MORC2: variants seen among roughly 807,000 people sequenced by gnomAD.
MORC2 encodes the protein ATPase MORC2.
Under a neutral mutation model 136.0 loss-of-function variants are expected in MORC2, and 30 were observed. The observed-to-expected ratio is 0.22, with a 90% CI of 0.17 to 0.30. The LOEUF (loss-of-function observed/expected upper bound fraction) is 0.30. Among genes scored for constraint, MORC2 ranks in the 10% least tolerant of loss-of-function variants. The pLI, the probability that MORC2 is intolerant of heterozygous loss-of-function variation, is 1.00. For synonymous variants in MORC2, 439 were observed against 487.0 expected, an observed-to-expected ratio of 0.90 and a Z score of 1.30; for missense variants, 922 against 1,333.1, an observed-to-expected ratio of 0.69 and a Z score of 4.80.
Position 30,947,434 on chromosome 22 carries a change from G to A in MORC2, c.318-985C>T, listed in dbSNP as rs1468244020. On this transcript the variant is annotated intron_variant, in intron 5 of 25. Coordinates refer to ENST00000397641, the MANE Select transcript of MORC2 (RefSeq NM_001303256.3). Reference sequence around the variant, plus strand: ...CTCCTTTCTTCCAGCAGCTTCTGGAGCTTTATGGCTATTATCTCATTAGTC... The same window carrying A: ...CTCCTTTCTTCCAGCAGCTTCTGGAACTTTATGGCTATTATCTCATTAGTC... Among the ~76,000 whole-genome samples, 4 of 152,230 alleles carry A rather than the reference G, an allele frequency of 2.6e-5. No individual in the cohort carries two copies. The East Asian group carries it at 5.8e-4, about 22-fold the overall frequency.
rs115290434 is a variant in MORC2 at position 30,937,760 on chromosome 22, T to C, written c.1370-49A>G. 1,294 of 1,613,890 alleles carry C rather than the reference T, an allele frequency of 8.0e-4. 7 individuals are homozygous for C. The African/African-American group carries it at 0.014, about 18-fold the overall frequency. On this transcript the variant is annotated intron_variant, in intron 14 of 25. Transcript: ENST00000397641. The surrounding 1 kb of genome is among the most constrained non-coding windows in gnomAD (Gnocchi z 4.7). ...CATGTTAGGAGCCAGCCTCTCTCTCTCCCTACATTCAGGTGAAGAGAAAAG... is the reference window on the plus strand; with the variant it reads ...CATGTTAGGAGCCAGCCTCTCTCTCCCCCTACATTCAGGTGAAGAGAAAAG...
Position 30,928,000 on chromosome 22 carries a change from G to A in MORC2, c.3030+19C>T. On this transcript the variant is annotated intron_variant, in intron 25 of 25. Coordinates refer to ENST00000397641, the MANE Select transcript of MORC2 (RefSeq NM_001303256.3). Reference sequence around the variant, plus strand: ...GAGACCAGGTGGTCCAGCTGCAACAGGAAGGCTGCCGGGCTCACCTCCTGC... The same window carrying A: ...GAGACCAGGTGGTCCAGCTGCAACAAGAAGGCTGCCGGGCTCACCTCCTGC... 1 of 1,612,218 alleles carries A rather than the reference G, an allele frequency of 6.2e-7. No homozygotes were observed. The highest frequency in any genetic ancestry group is 8.5e-7 in the Non-Finnish European group (1 of 1,179,876).
rs1569195312 is a variant in MORC2, at chr22:30,942,134, A to C, written c.564T>G (p.Phe188Leu). 1.2e-6 allele frequency: 2 copies of C among 1,613,934 alleles called. No homozygotes were observed. The highest frequency in any genetic ancestry group is 1.7e-6 in the Non-Finnish European group (2 of 1,179,848). ...FRTEEEVMTQ[F>L]MKIPGDSGTL... ...TACCGCTGTCCCCAGGAATCTTCAT[A>C]AACTGGGTCATCACTTCCTCCTCAG... Residue 188 changes from phenylalanine to leucine, a missense_variant, in exon 7 of 26, where the codon TTT becomes TTG. Transcript: ENST00000397641.
At chr22:30,935,725 G>C (rs2040642853) in intron 17 of MORC2, among the ~76,000 whole-genome samples, 1 of 152,140 alleles carries the variant, frequency 6.6e-6, no homozygotes, top group South Asian at 2.1e-4. Flanking sequence ...AAGCCAAAAA[G>C]GGAAATGGTT....
rs780733721 is a variant in MORC2, at chr22:30,941,873, C to G, written c.698+18G>C. 6.3e-7 allele frequency: 1 copy of G among 1,585,794 alleles called. No homozygotes were observed. Among genetic ancestry groups the G allele is most frequent in the South Asian group, 1.1e-5 (1 of 90,496 alleles). The stretch of plus-strand genomic sequence containing the variant: ...AACGCCAGTTCCAGGGCCTCCCTCC[C>G]TTCCCAGCCACACTCACGTGCCCTC... On this transcript the variant is annotated intron_variant, in intron 8 of 25. Coordinates refer to ENST00000397641, the MANE Select transcript of MORC2 (RefSeq NM_001303256.3). This position sits in a 1 kb window ranked among gnomAD's most constrained non-coding sequence, Gnocchi z 4.6.
chr22:30,941,407 G>A lies in MORC2; in HGVS notation c.824+26C>T. The A allele has an allele frequency of 6.2e-7, 1 of 1,611,198 alleles. No individual in the cohort carries two copies. Among genetic ancestry groups the A allele is most frequent in the Non-Finnish European group, 8.5e-7 (1 of 1,178,358 alleles). The stretch of plus-strand genomic sequence containing the variant: ...CCACATCCTCGACCCATGGGAGACA[G>A]CAGGCCAAGGGGCACTGGCCCCTAC... On this transcript the variant is annotated intron_variant, in intron 9 of 25. Coordinates refer to ENST00000397641, the MANE Select transcript of MORC2 (RefSeq NM_001303256.3). This position sits in a 1 kb window ranked among gnomAD's most constrained non-coding sequence, Gnocchi z 4.6.
chr22:30,926,728 T>G lies in MORC2; in HGVS notation c.*75A>C. 7.8e-7 allele frequency: 1 copy of G among 1,275,712 alleles called. No individual in the cohort carries two copies. Among genetic ancestry groups the G allele is most frequent in the Non-Finnish European group, 1.1e-6 (1 of 894,172 alleles). 79.0% of individuals were successfully genotyped at this position (1,275,712 alleles called of 1,614,324 possible). A position where few individuals can be genotyped will look rare whatever the true frequency, so the allele number is the denominator to read the frequency against. On this transcript the variant is annotated 3_prime_UTR_variant, in exon 26 of 26. Transcript: ENST00000397641. The stretch of plus-strand genomic sequence containing the variant: ...AAACCAAGGTGCGACCACCAACCCA[T>G]GAATGAAGTCCCCTCCCCCTGCAGC...
chr22:30,963,212 G>A (rs558927069), intron 1 of MORC2: 461 of 552,978 alleles, frequency 8.3e-4, no homozygotes, highest in Non-Finnish European at 9.8e-4. Context: ...TCCTGACCTC[G>A]TGATCCACCC....
At position 30,934,457 on chromosome 22, in the gene MORC2, G is replaced by A. The variant is rs917634551; in HGVS notation, c.2194-266C>T. Among the ~76,000 whole-genome samples the A allele has an allele frequency of 2.0e-5, 3 of 152,036 alleles. No individual in the cohort carries two copies. The highest frequency in any genetic ancestry group is 2.1e-4 in the South Asian group (1 of 4,810). On this transcript the variant is annotated intron_variant, in intron 19 of 25. Coordinates refer to ENST00000397641, the MANE Select transcript of MORC2 (RefSeq NM_001303256.3). This position sits in a 1 kb window ranked among gnomAD's most constrained non-coding sequence, Gnocchi z 4.4. ...AGCTGTCACCTCCCCAAGAACCACC[G>A]ACCACTGCCGCAGCCCACTCAGGCT...
intron 3 of MORC2, 45 bp from the exon 4 acceptor site, chr22:30,950,490 G>T: frequency 6.3e-7 from 1 of 1,579,930 alleles, no homozygotes; most frequent in East Asian, 2.2e-5. Context: ...ACCCACCACA[G>T]GGTGGCAACA....
rs532376481 is a variant in MORC2, at chr22:30,942,330, A to G, written c.427-59T>C. The G allele has an allele frequency of 3.9e-6, 6 of 1,543,844 alleles. No homozygotes were observed. The South Asian group carries it at 7.1e-5, about 18-fold the overall frequency. On this transcript the variant is annotated intron_variant, in intron 6 of 25. Transcript: ENST00000397641. Reference sequence around the variant, plus strand: ...AAGCCCCAGAACAGCCTTCCTCCCAAATGTGCATCTCTCTTGTCCCTCCCC... The same window carrying G: ...AAGCCCCAGAACAGCCTTCCTCCCAGATGTGCATCTCTCTTGTCCCTCCCC...
At position 30,939,706 on chromosome 22, in the gene MORC2, C is replaced by T. The variant is rs1390155636; in HGVS notation, c.988G>A (p.Val330Met). The T allele has an allele frequency of 3.1e-6, 5 of 1,613,832 alleles. No individual in the cohort carries two copies. The highest frequency in any genetic ancestry group is 1.1e-5 in the South Asian group (1 of 91,042). The change falls in exon 12 of 26, where the codon GTG becomes ATG. Residue 330 changes from valine to methionine, a missense_variant and splice_region_variant. By Grantham distance (21) the Val-to-Met change is conservative. This residue lies in a region of MORC2 where 261 missense variants were observed against 354.3 expected (regional missense o/e 0.74). Transcript: ENST00000397641. ...LGGDLTRDSR[V>M]MLRQVQNRAI... ...CTGTTCTGGACCTGTCGCAACATCA[C>T]CTGCACACATTGACATCAGGTGAGG...
In MORC2 at chr22:30,958,638, T is replaced by C. The variant is rs756394660; in HGVS notation, c.122+3A>G. On this transcript the variant is annotated splice_donor_region_variant and intron_variant, in intron 2 of 25. Transcript: ENST00000397641. ...ACAGATTGTATGCCTGAAGACTACA[T>C]ACCTTGCATTATCAACCAGTTCAGC... is the stretch of plus-strand genomic sequence containing the variant. 6.5e-7 allele frequency: 1 copy of C among 1,546,772 alleles called. No individual in the cohort carries two copies. Among genetic ancestry groups the C allele is most frequent in the Non-Finnish European group, 8.7e-7 (1 of 1,143,674 alleles).
intron 3 of MORC2, among the ~76,000 whole-genome samples, chr22:30,951,032 T>C (rs555465061): frequency 6.1e-4 from 93 of 152,302 alleles, no homozygotes; most frequent in South Asian, 1.2e-3. Flanking sequence ...CTGCATTTAC[T>C]GTCATATCCC....
At chr22:30,956,090 C>T (rs897567930) in intron 3 of MORC2, among the ~76,000 whole-genome samples, 1 of 150,544 alleles carries the variant, frequency 6.6e-6, no homozygotes, top group East Asian at 1.9e-4. Context: ...GGTGCTAGTA[C>T]AAATACCAGG....
chr22:30,968,102 A>C lies in MORC2; in HGVS notation c.-213T>G. ...TTTTTTTTAATCTTCTCAATGATTT[A>C]TGATGTAATATTTTGGAAGGAACTA... On this transcript the variant is annotated 5_prime_UTR_variant, in exon 1 of 26. Coordinates refer to ENST00000397641, the MANE Select transcript of MORC2 (RefSeq NM_001303256.3). 1.9e-6 allele frequency: 1 copy of C among 536,992 alleles called. No individual in the cohort carries two copies. Among genetic ancestry groups the C allele is most frequent in the Non-Finnish European group, 3.3e-6 (1 of 301,108 alleles). 33.3% of individuals were successfully genotyped at this position (536,992 alleles called of 1,614,324 possible). A position where few individuals can be genotyped will look rare whatever the true frequency, so the allele number is the denominator to read the frequency against.
In MORC2 at chr22:30,941,050, C is replaced by T. The variant is rs1262451436; in HGVS notation, c.825-213G>A. On this transcript the variant is annotated intron_variant, in intron 9 of 25. Transcript: ENST00000397641. This position sits in a 1 kb window ranked among gnomAD's most constrained non-coding sequence, Gnocchi z 4.6. The stretch of plus-strand genomic sequence containing the variant: ...CTGCTGTCTTTGATAAGCAACCTCA[C>T]CATTCACCAGGGTTGTCATTCATCC... Among the ~76,000 whole-genome samples, 1 of 152,204 alleles carries T rather than the reference C, an allele frequency of 6.6e-6. No homozygotes were observed. The highest frequency in any genetic ancestry group is 2.4e-5 in the African/African-American group (1 of 41,438).
At chr22:30,953,802 G>C (rs1569200946) in intron 3 of MORC2, among the ~76,000 whole-genome samples, 1 of 152,094 alleles carries the variant, frequency 6.6e-6, no homozygotes, top group East Asian at 1.9e-4. Context: ...AATATGCTTT[G>C]GGTAAATGAA....
intron 24 of MORC2, among the ~76,000 whole-genome samples, chr22:30,930,832 C>A (rs1490746588): frequency 6.6e-6 from 1 of 152,222 alleles, no homozygotes; most frequent in East Asian, 1.9e-4. Context: ...TGGCCTCCCC[C>A]TCCCTCCAAG....
Sources: allele counts gnomAD v4.1 joint callset (sites outside exome capture counted in the v4.1 genomes callset), GRCh38; gene constraint gnomAD v4.1.1; regional missense constraint gnomAD v4.1.1; non-coding constraint Gnocchi (gnomAD v3.1); transcripts MANE v1.5; gene names NCBI Gene and HGNC (gene_info 2026-07-23, HGNC 2026-07-21).